The following PCSK5 variants were observed in gnomAD, a reference collection of about 807,000 sequenced individuals.
The protein encoded by PCSK5 is prohormone convertase 5.
In PCSK5, 129 loss-of-function variants were observed where a neutral mutation model predicts 233.2. The observed-to-expected ratio is 0.55, with a 90% CI of 0.48 to 0.64. The LOEUF (loss-of-function observed/expected upper bound fraction) is 0.64. PCSK5 is among the 30% of genes least tolerant of loss of function. The probability of loss-of-function intolerance (pLI) is 0.00; values close to 1 mark genes in which losing one functional copy is unlikely to be tolerated. For missense variants in PCSK5, 2,076 were observed against 2,430.1 expected (o/e 0.85, Z 3.06); for synonymous variants, 825 against 879.2 (o/e 0.94, Z 1.09).
chr9:75,957,351 A>C (rs188007969), intron 2 of PCSK5, among the ~76,000 whole-genome samples: 5 of 152,276 alleles, frequency 3.3e-5, no homozygotes, highest in African/African-American at 1.2e-4. Flanking sequence ...TTAGTAGAAA[A>C]AGATCGTAAC....
chr9:76,302,280 G>GCTGC, intron 28 of PCSK5, 63 bp downstream of exon 28: 4 of 760,860 alleles, frequency 5.3e-6, no homozygotes, highest in Non-Finnish European at 7.7e-6. Flanking sequence ...GATGGTCTCC[G>GCTGC]TGGAGAAATC....
intron 30 of PCSK5, among the ~76,000 whole-genome samples, chr9:76,311,438 G>A (rs998040106): frequency 2.6e-5 from 4 of 151,942 alleles, no homozygotes; most frequent in African/African-American, 9.7e-5. Flanking sequence ...AAGTAAGGCT[G>A]TGATGTGCAC....
chr9:76,010,103 A>T (rs1006216492), intron 3 of PCSK5, among the ~76,000 whole-genome samples: 10 of 152,116 alleles, frequency 6.6e-5, no homozygotes, highest in Admixed American at 5.9e-4. Flanking sequence ...TCTACTTGGG[A>T]TACTGATGAG....
chr9:76,292,801 C>G lies in PCSK5; in HGVS notation c.3185+526C>G, dbSNP rs141528167. On this transcript the variant is annotated intron_variant, in intron 25 of 37. Coordinates refer to ENST00000674117, the MANE Select transcript of PCSK5 (RefSeq NM_001372043.1). ...AAATGGCATGTTTCAATATCGCCCCCTCTTCCTAGTCTAGCTTCCCTTCCA... is the reference window on the plus strand; with the variant it reads ...AAATGGCATGTTTCAATATCGCCCCGTCTTCCTAGTCTAGCTTCCCTTCCA... 7.3e-3 allele frequency among the ~76,000 whole-genome samples: 1,113 copies of G among 152,286 alleles called. 7 individuals carry two copies. Among genetic ancestry groups the G allele is most frequent in the South Asian group, 0.039 (187 of 4,816 alleles).
chr9:76,042,051 A>G (rs1829143920), intron 5 of PCSK5, among the ~76,000 whole-genome samples: 2 of 152,158 alleles, frequency 1.3e-5, no homozygotes, highest in African/African-American at 2.4e-5. Flanking sequence ...ATCCTTATAT[A>G]TAGGGTGTTA....
At chr9:76,080,628 C>T (rs1830801133) in intron 7 of PCSK5, among the ~76,000 whole-genome samples, 1 of 152,086 alleles carries the variant, frequency 6.6e-6, no homozygotes, top group South Asian at 2.1e-4. Flanking sequence ...AGTACCCAGA[C>T]CCTGGATTTG....
chr9:76,118,068 T>C (rs576519448), intron 9 of PCSK5, among the ~76,000 whole-genome samples: 2 of 152,274 alleles, frequency 1.3e-5, no homozygotes, highest in East Asian at 1.9e-4. Flanking sequence ...AGCCTCATTT[T>C]CCATAGCAGA....
chr9:76,328,416 C>A (rs765137971), intron 33 of PCSK5, among the ~76,000 whole-genome samples, 177 bp downstream of exon 33: 1 of 152,218 alleles, frequency 6.6e-6, no homozygotes, highest in Non-Finnish European at 1.5e-5. Context: ...GAACAGCGCA[C>A]GGATGTGCTT....
chr9:76,195,686 TTC>T (rs1430583348), intron 20 of PCSK5: 2 of 152,178 alleles, frequency 1.3e-5, no homozygotes, highest in Non-Finnish European at 2.9e-5. Flanking sequence ...AAAGTCCTAT[TTC>T]TGTTTTCTTT....
At chr9:76,173,014 G>A (rs1823394990) in intron 13 of PCSK5, among the ~76,000 whole-genome samples, 1 of 152,288 alleles carries the variant, frequency 6.6e-6, no homozygotes, top group African/African-American at 2.4e-5. Flanking sequence ...AGATAATTTT[G>A]TATATGGTTT....
Position 76,327,965 on chromosome 9 carries a change from C to G in PCSK5, c.4340-44C>G, listed in dbSNP as rs760784366. 40 of 1,284,142 alleles carry G rather than the reference C, an allele frequency of 3.1e-5. 1 individual carries two copies. Among genetic ancestry groups the G allele is most frequent in the Non-Finnish European group, 3.5e-5 (31 of 880,478 alleles). The allele number at this position is 1,284,142 out of a possible 1,614,324, so 79.5% of individuals were successfully genotyped here. The stretch of plus-strand genomic sequence containing the variant: ...GGGAAGCCATTCCCACGAGGGCCAC[C>G]CTGGCTCTCGCTCACTCTGTCTGCT... On this transcript the variant is annotated intron_variant, in intron 32 of 37. Coordinates refer to ENST00000674117, the MANE Select transcript of PCSK5 (RefSeq NM_001372043.1).
intron 22 of PCSK5, among the ~76,000 whole-genome samples, chr9:76,237,860 T>C (rs1323529082): frequency 6.6e-6 from 1 of 152,162 alleles, no homozygotes; most frequent in Admixed American, 6.5e-5. Context: ...TGCTCACAGG[T>C]AAAAAATAGT....
intron 10 of PCSK5, among the ~76,000 whole-genome samples, chr9:76,150,528 G>A (rs1433065281): frequency 6.6e-6 from 1 of 152,140 alleles, no homozygotes; most frequent in Non-Finnish European, 1.5e-5. Flanking sequence ...AGCTACTGGG[G>A]AGGCTGAGGC....
intron 10 of PCSK5, among the ~76,000 whole-genome samples, chr9:76,140,063 T>C (rs915576120): frequency 6.6e-6 from 1 of 152,116 alleles, no homozygotes; most frequent in Non-Finnish European, 1.5e-5. Flanking sequence ...TGCCTGTCCT[T>C]GACTGAATGG....
chr9:75,949,620 T>C (rs1288974571), intron 2 of PCSK5, among the ~76,000 whole-genome samples: 1 of 152,078 alleles, frequency 6.6e-6, no homozygotes, highest in Non-Finnish European at 1.5e-5. Context: ...CTCTGCCTCC[T>C]GGGTTCAAGC....
chr9:75,959,994 G>A (rs771248608), intron 2 of PCSK5, among the ~76,000 whole-genome samples: 3 of 152,154 alleles, frequency 2.0e-5, no homozygotes, highest in Non-Finnish European at 4.4e-5. Flanking sequence ...AGCAATTTTG[G>A]ACACTAGTTT....
chr9:75,901,940 G>T (rs1263996115), intron 1 of PCSK5, among the ~76,000 whole-genome samples: 1 of 152,102 alleles, frequency 6.6e-6, no homozygotes, highest in African/African-American at 2.4e-5. Context: ...AACAGGCTGG[G>T]CGTGGTGGCT....
chr9:75,891,049 C>T lies in PCSK5; in HGVS notation c.-133C>T. On this transcript the variant is annotated 5_prime_UTR_variant, in exon 1 of 38. Coordinates refer to ENST00000674117, the MANE Select transcript of PCSK5 (RefSeq NM_001372043.1). ...CCTGCCGGGGCTAGCCGCCTCCTGC[C>T]GATCGCCCGGGGCTGCGAGCTGCGG... 3.8e-6 allele frequency: 3 copies of T among 784,254 alleles called. No individual in the cohort carries two copies. Among genetic ancestry groups the T allele is most frequent in the Non-Finnish European group, 5.4e-6 (3 of 553,548 alleles). The allele number at this position is 784,254 out of a possible 1,614,324, so 48.6% of individuals were successfully genotyped here.
intron 20 of PCSK5, among the ~76,000 whole-genome samples, chr9:76,199,921 A>G (rs1480914081): frequency 6.6e-6 from 1 of 152,068 alleles, no homozygotes; most frequent in Non-Finnish European, 1.5e-5. Context: ...CCCCCTGACC[A>G]TCTTTACCAC....
Sources: gnomAD v4.1 joint callset for allele counts (sites outside exome capture counted in the v4.1 genomes callset) on GRCh38, gnomAD v4.1.1 for gene constraint, MANE v1.5 for transcripts, NCBI Gene and HGNC (gene_info 2026-07-23, HGNC 2026-07-21) for gene names.